The following TYW1 variants were observed in gnomAD, a reference collection of about 807,000 sequenced individuals.
TYW1 encodes the protein S-adenosyl-L-methionine-dependent tRNA 4-demethylwyosine synthase TYW1.
TYW1 carries 46 observed loss-of-function variants against 96.2 expected under a neutral mutation model. The observed-to-expected ratio is 0.48, with a 90% confidence interval of 0.38 to 0.61. TYW1 has a LOEUF of 0.61. Ranked by LOEUF, TYW1 falls within the 20% of genes least tolerant of loss-of-function variation. TYW1 has a pLI of 0.00. For missense variants in TYW1, 684 were observed against 909.6 expected (o/e 0.75, Z 3.19); for synonymous variants, 274 against 323.0 (o/e 0.85, Z 1.63).
At chr7:67,180,424 A>ATATATT (rs1341437613) in intron 13 of TYW1, among the ~76,000 whole-genome samples, 39 of 81,922 alleles carry the variant, frequency 4.8e-4, no homozygotes, top group East Asian at 2.5e-3. Flanking sequence ...ATATATATAT[A>ATATATT]ATTTTTTTTT....
At chr7:67,085,585 A>T (rs1315350128) in intron 11 of TYW1, among the ~76,000 whole-genome samples, 1 of 152,192 alleles carries the variant, frequency 6.6e-6, no homozygotes. Flanking sequence ...GCAGTATGAA[A>T]ATGGGCTCAT....
intron 11 of TYW1, among the ~76,000 whole-genome samples, chr7:67,084,873 G>A (rs1248664341): frequency 1.3e-5 from 2 of 152,298 alleles, no homozygotes; most frequent in South Asian, 2.1e-4. Flanking sequence ...CATGCTTTGA[G>A]AACCACTACT....
intron 11 of TYW1, among the ~76,000 whole-genome samples, chr7:67,098,171 T>C (rs1188963184): frequency 1.3e-5 from 2 of 152,186 alleles, no homozygotes; most frequent in Non-Finnish European, 2.9e-5. Flanking sequence ...TGAGGAATGA[T>C]TGGTCTAGAA....
intron 8 of TYW1, 28 bp from the exon 9 acceptor site, chr7:67,055,807 A>G: frequency 1.9e-6 from 3 of 1,598,910 alleles, no homozygotes; most frequent in Non-Finnish European, 1.7e-6. Flanking sequence ...GATCAGTCCA[A>G]CTTTGTGTTC....
chr7:67,022,094 G>A (rs113125547), intron 6 of TYW1, among the ~76,000 whole-genome samples: 16,481 of 151,758 alleles, frequency 0.11, 941 homozygotes, highest in Middle Eastern at 0.15. Flanking sequence ...TTAATTTTTT[G>A]TAGAGATGAG....
intron 6 of TYW1, among the ~76,000 whole-genome samples, chr7:67,024,421 C>T (rs1033503002): frequency 1.3e-5 from 2 of 152,096 alleles, no homozygotes; most frequent in African/African-American, 4.8e-5. Flanking sequence ...CCCATCTTGG[C>T]CTCACAGAGT....
At chr7:67,150,998 CA>C in intron 13 of TYW1, among the ~76,000 whole-genome samples, 1 of 152,242 alleles carries the variant, frequency 6.6e-6, no homozygotes, top group South Asian at 2.1e-4. Flanking sequence ...TAGAATTCAG[CA>C]GAGCTGCTCC....
intron 13 of TYW1, among the ~76,000 whole-genome samples, chr7:67,156,095 G>A (rs548407711): frequency 5.3e-5 from 8 of 152,248 alleles, no homozygotes; most frequent in African/African-American, 1.9e-4. Context: ...AGTCAGTGGT[G>A]GTGGCAGCAT....
At chr7:67,034,709 C>T (rs527476829) in intron 7 of TYW1, among the ~76,000 whole-genome samples, 7 of 152,120 alleles carry the variant, frequency 4.6e-5, no homozygotes, top group Admixed American at 2.0e-4. Context: ...TAAGGTAGTT[C>T]GTAATGATGT....
chr7:67,002,209 G>T (rs1341021785), intron 3 of TYW1, among the ~76,000 whole-genome samples: 2 of 151,586 alleles, frequency 1.3e-5, no homozygotes, highest in South Asian at 2.1e-4. Flanking sequence ...CACCATGCTG[G>T]GCTAATTAAA....
At chr7:67,177,326 CAAG>C (rs1799705068) in intron 13 of TYW1, among the ~76,000 whole-genome samples, 1 of 151,546 alleles carries the variant, frequency 6.6e-6, no homozygotes, top group Non-Finnish European at 1.5e-5. Context: ...TAAAGAGACA[CAAG>C]AAACACTAAT....
At chr7:67,196,629 G>A (rs185045917) in intron 15 of TYW1, among the ~76,000 whole-genome samples, 2 of 149,100 alleles carry the variant, frequency 1.3e-5, no homozygotes, top group African/African-American at 5.1e-5. Context: ...AAATGGCTGT[G>A]TCAAACTGGA....
chr7:67,122,968 G>A (rs138775907), intron 13 of TYW1, among the ~76,000 whole-genome samples: 1 of 152,284 alleles, frequency 6.6e-6, no homozygotes, highest in African/African-American at 2.4e-5. Flanking sequence ...TTTCACAAAG[G>A]AGAAGCATAA....
At chr7:67,036,259 G>T (rs1397365434) in intron 7 of TYW1, among the ~76,000 whole-genome samples, 1 of 150,906 alleles carries the variant, frequency 6.6e-6, no homozygotes, top group Non-Finnish European at 1.5e-5. Flanking sequence ...GAGAAGAGTG[G>T]CTGCTGGGGA....
intron 15 of TYW1, among the ~76,000 whole-genome samples, chr7:67,218,849 CA>C (rs1801288372): frequency 6.6e-6 from 1 of 152,102 alleles, no homozygotes; most frequent in Admixed American, 6.5e-5. Context: ...CATTTAAAAA[CA>C]AAAATTGTTT....
At chr7:67,128,400 G>A (rs1374622132) in intron 13 of TYW1, among the ~76,000 whole-genome samples, 3 of 152,078 alleles carry the variant, frequency 2.0e-5, no homozygotes, top group African/African-American at 4.8e-5. Context: ...TTAGGATTTC[G>A]ATCTCTGTTT....
At chr7:67,192,489 C>T (rs1800251305) in intron 14 of TYW1, among the ~76,000 whole-genome samples, 1 of 152,210 alleles carries the variant, frequency 6.6e-6, no homozygotes, top group Non-Finnish European at 1.5e-5. Context: ...GAAGTAGCTA[C>T]TGCATACATG....
In TYW1 at chr7:67,098,558, G is replaced by A. The variant is rs1306080001; in HGVS notation, c.1402G>A (p.Ala468Thr). The change falls in exon 12 of 16, where the codon GCA (alanine) becomes ACA (threonine). Residue 468 changes from alanine to threonine, a missense_variant. Ala to Thr is a moderately conservative substitution (Grantham distance 58). Transcript: ENST00000359626. ...KQFKGVPGVK[A>T]ERFEEGMTVK... is the part of the protein sequence containing the mutation. ...TTCTCCAGGAGTACCGGGCGTCAAAGCAGAACGCTTTGAAGAAGGAATGAC... is the reference window on the plus strand; with the variant it reads ...TTCTCCAGGAGTACCGGGCGTCAAAACAGAACGCTTTGAAGAAGGAATGAC... The A allele has an allele frequency of 6.3e-7, 1 of 1,592,474 alleles. No homozygotes were observed. Among genetic ancestry groups the A allele is most frequent in the South Asian group, 1.1e-5 (1 of 88,924 alleles).
rs1346053839 is a variant in TYW1 at position 67,230,580 on chromosome 7, C to T, written c.1978-7728C>T. On this transcript the variant is annotated intron_variant, in intron 15 of 15. Coordinates refer to ENST00000359626, the MANE Select transcript of TYW1 (RefSeq NM_018264.4). ...AGGTGATTCATTTGGTATTTATCTC[C>T]GTATCTCTAAATAGCATACTTATAT... Among the ~76,000 whole-genome samples the T allele has an allele frequency of 5.9e-5, 9 of 151,688 alleles. 1 individual carries two copies. Among genetic ancestry groups the T allele is most frequent in the African/African-American group, 1.7e-4 (7 of 41,302 alleles).
Sources: gnomAD v4.1 joint callset for allele counts (sites outside exome capture counted in the v4.1 genomes callset) on GRCh38, gnomAD v4.1.1 for gene constraint, MANE v1.5 for transcripts, NCBI Gene and HGNC (gene_info 2026-07-23, HGNC 2026-07-21) for gene names.